The following GLIS3 variants were observed in gnomAD, a reference collection of about 807,000 sequenced individuals.
The protein encoded by GLIS3 is GLIS family zinc finger 3, also known as zinc finger protein GLIS3.
In GLIS3, 53 loss-of-function variants were observed where a neutral mutation model predicts 78.6. The ratio of observed to expected loss-of-function variants is 0.67; its 90% CI spans 0.54 to 0.85. The LOEUF (loss-of-function observed/expected upper bound fraction) is 0.85. GLIS3 is among the 40% of genes least tolerant of loss of function. GLIS3 has a pLI of 0.00. For missense variants in GLIS3, 1,703 were observed against 1,231.1 expected (o/e 1.38, Z -5.74); for synonymous variants, 684 against 509.9 (o/e 1.34, Z -4.60).
chr9:3,933,804 T>C (rs1027849877), intron 5 of GLIS3, among the ~76,000 whole-genome samples: 17 of 152,256 alleles, frequency 1.1e-4, no homozygotes, highest in African/African-American at 4.1e-4. Flanking sequence ...ATAAGTGGAT[T>C]ACATTATTTG....
chr9:3,967,230 G>A (rs1364517404), intron 4 of GLIS3, among the ~76,000 whole-genome samples: 3 of 152,140 alleles, frequency 2.0e-5, no homozygotes, highest in African/African-American at 4.8e-5. Flanking sequence ...CCTGCTGGGC[G>A]TGGTGGCCCA....
chr9:4,370,677 A>C, the GLIS3 span, among the ~76,000 whole-genome samples: 4 of 151,234 alleles, frequency 2.6e-5, no homozygotes, highest in East Asian at 7.7e-4. Context: ...TATACATAAT[A>C]GAGTGTATTT....
At chr9:4,309,901 G>A (rs1316330488) in intron 3 of GLIS3, among the ~76,000 whole-genome samples, 1 of 152,118 alleles carries the variant, frequency 6.6e-6, no homozygotes, top group East Asian at 1.9e-4. Flanking sequence ...CAAATTTGGC[G>A]GCCAAAAGAT....
intron 2 of GLIS3, among the ~76,000 whole-genome samples, chr9:4,177,762 T>C (rs1418088119): frequency 6.6e-6 from 1 of 152,130 alleles, no homozygotes. Context: ...CCTGGTGGGT[T>C]TGGAGGTATT....
the GLIS3 span, among the ~76,000 whole-genome samples, chr9:4,394,540 G>C: frequency 6.6e-6 from 1 of 152,100 alleles, no homozygotes; most frequent in Non-Finnish European, 1.5e-5. Context: ...TGGTGATGCT[G>C]TGTATTGTTG....
At chr9:3,837,395 G>A (rs1818419245) in intron 9 of GLIS3, among the ~76,000 whole-genome samples, 1 of 152,162 alleles carries the variant, frequency 6.6e-6, no homozygotes, top group Non-Finnish European at 1.5e-5. Flanking sequence ...GCTTACCATA[G>A]GATTCAGCAA....
intron 2 of GLIS3, among the ~76,000 whole-genome samples, chr9:4,179,691 G>A (rs921487185): frequency 2.6e-5 from 4 of 151,988 alleles, no homozygotes; most frequent in Non-Finnish European, 4.4e-5. Context: ...AGGCAGATCA[G>A]CTGAGGTTAG....
At chr9:4,332,124 GT>G (rs755991468) in intron 2 of GLIS3, among the ~76,000 whole-genome samples, 3 of 152,082 alleles carry the variant, frequency 2.0e-5, no homozygotes, top group Admixed American at 6.5e-5. Context: ...AACTATTCTG[GT>G]TGAAGTTCTG....
At chr9:3,935,287 T>G (rs533781309) in intron 5 of GLIS3, among the ~76,000 whole-genome samples, 1 of 152,222 alleles carries the variant, frequency 6.6e-6, no homozygotes, top group South Asian at 2.1e-4. Flanking sequence ...AGGAGCTAGT[T>G]TGGAGCTTAA....
intron 4 of GLIS3, among the ~76,000 whole-genome samples, chr9:4,065,083 A>G (rs1182950613): frequency 6.6e-6 from 1 of 152,218 alleles, no homozygotes; most frequent in East Asian, 1.9e-4. Context: ...TCCCATTCCC[A>G]GTCAAGAGTA....
At chr9:4,017,424 G>T (rs1250370180) in intron 4 of GLIS3, among the ~76,000 whole-genome samples, 2 of 152,194 alleles carry the variant, frequency 1.3e-5, no homozygotes, top group Non-Finnish European at 2.9e-5. Context: ...TTGGCAATCT[G>T]TGGAAGCTTG....
At chr9:3,891,053 T>C (rs1236110863) in intron 7 of GLIS3, among the ~76,000 whole-genome samples, 7 of 114,948 alleles carry the variant, frequency 6.1e-5, no homozygotes, top group Admixed American at 5.3e-4. Context: ...GCTTCCACTT[T>C]TCCTTCCTTC....
At chr9:3,922,262 C>T (rs1476489424) in intron 6 of GLIS3, among the ~76,000 whole-genome samples, 1 of 152,004 alleles carries the variant, frequency 6.6e-6, no homozygotes, top group Admixed American at 6.6e-5. Flanking sequence ...TCACTATATA[C>T]CACTTAGAAG....
At chr9:3,830,834 A>C (rs1818003205) in intron 9 of GLIS3, among the ~76,000 whole-genome samples, 1 of 150,076 alleles carries the variant, frequency 6.7e-6, no homozygotes, top group South Asian at 2.1e-4. Context: ...GCTCTCTTTA[A>C]GTAAAACCAG....
chr9:4,450,617 A>G, the GLIS3 span, among the ~76,000 whole-genome samples: 1 of 152,234 alleles, frequency 6.6e-6, no homozygotes, highest in Admixed American at 6.5e-5. Context: ...GGTTACCCAC[A>G]AAGGGAGGCC....
chr9:3,851,962 G>A (rs1383712268), intron 9 of GLIS3, among the ~76,000 whole-genome samples: 2 of 152,144 alleles, frequency 1.3e-5, no homozygotes, highest in Non-Finnish European at 2.9e-5. Flanking sequence ...AGCCAACATG[G>A]TGAAACCCCA....
At chr9:4,257,172 G>C (rs918763834) in intron 2 of GLIS3, among the ~76,000 whole-genome samples, 1 of 152,134 alleles carries the variant, frequency 6.6e-6, no homozygotes, top group African/African-American at 2.4e-5. Flanking sequence ...TTAAAAGAAA[G>C]GGATACTGCC....
Position 4,279,297 on chromosome 9 carries a change from CAA to C in GLIS3, c.388+6739_388+6740del, listed in dbSNP as rs56734583. On this transcript the variant is annotated intron_variant, in intron 2 of 10. Transcript: ENST00000381971. ...TGGGCAACAGAGCAAGACTCCATCT[CAA>C]AAAAAAAAAAAAAAAATATATATAT... Among the ~76,000 whole-genome samples, 343 of 91,954 alleles carry C rather than the reference CAA, an allele frequency of 3.7e-3. 12 individuals carry two copies. Among genetic ancestry groups the C allele is most frequent in the South Asian group, 8.4e-3 (22 of 2,616 alleles). The allele number at this position is 91,954 out of a possible 152,430, so 60.3% of individuals were successfully genotyped here.
intron 2 of GLIS3, among the ~76,000 whole-genome samples, chr9:4,130,548 C>T (rs546026385): frequency 6.6e-6 from 1 of 152,340 alleles, no homozygotes; most frequent in South Asian, 2.1e-4. Context: ...ACAGCTCAGG[C>T]CTCTGCTTCA....
Sources: gnomAD v4.1 joint callset for allele counts (sites outside exome capture counted in the v4.1 genomes callset) on GRCh38, gnomAD v4.1.1 for gene constraint, MANE v1.5 for transcripts, NCBI Gene and HGNC (gene_info 2026-07-23, HGNC 2026-07-21) for gene names.